Variants in MRAS observed in about 807,000 individuals in gnomAD.
The protein encoded by MRAS is ras-related protein M-Ras.
Under a neutral mutation model 20.9 loss-of-function variants are expected in MRAS, and 4 were observed. The observed-to-expected ratio is 0.19, with a 90% confidence interval of 0.09 to 0.44. MRAS has a LOEUF of 0.44. MRAS is among the 20% of genes least tolerant of loss of function. The pLI is 0.99. For missense variants in MRAS, 154 were observed against 277.5 expected (o/e 0.56, Z 3.16); for synonymous variants, 98 against 102.9 (o/e 0.95, Z 0.29).
chr3:138,373,112 T>C (rs758732335), intron 2 of MRAS, 36 bp downstream of exon 2: 1 of 1,399,270 alleles, frequency 7.1e-7, no homozygotes, highest in Admixed American at 3.0e-5. Flanking sequence ...TTGGGTGGGA[T>C]AGTAGATGGG....
At chr3:138,398,297 C>T (rs1459205493) in intron 3 of MRAS, among the ~76,000 whole-genome samples, 172 bp from the exon 4 acceptor site, 1 of 152,184 alleles carries the variant, frequency 6.6e-6, no homozygotes, top group African/African-American at 2.4e-5. Context: ...CGGGCCCTTT[C>T]CCCCAAGCCC....
At chr3:138,353,389 C>T (rs1317406095) in intron 1 of MRAS, among the ~76,000 whole-genome samples, 1 of 152,120 alleles carries the variant, frequency 6.6e-6, no homozygotes, top group Non-Finnish European at 1.5e-5. Context: ...CAAGGGGAGT[C>T]CTTCCTTCCC....
intron 5 of MRAS, 120 bp downstream of exon 5, chr3:138,400,733 C>T (rs2055342674): frequency 1.2e-6 from 1 of 835,380 alleles, no homozygotes; most frequent in African/African-American, 1.7e-5. Flanking sequence ...AATTCTGGGC[C>T]TATTTTTGGA....
chr3:138,387,649 C>A (rs142219828), intron 2 of MRAS, among the ~76,000 whole-genome samples: 2 of 152,184 alleles, frequency 1.3e-5, no homozygotes, highest in Non-Finnish European at 1.5e-5. Context: ...TGTTTCTCTG[C>A]GCTGCCAGGC....
intron 2 of MRAS, among the ~76,000 whole-genome samples, chr3:138,376,198 TC>T (rs2054780137): frequency 1.3e-5 from 2 of 152,192 alleles, no homozygotes; most frequent in Non-Finnish European, 2.9e-5. Context: ...TTTTGTCTTC[TC>T]TCTGCCTAGA....
At position 138,403,231 on chromosome 3, in the gene MRAS, C is replaced by T. The variant is rs1319607068; in HGVS notation, c.*962C>T. The T allele has an allele frequency of 6.6e-6, 1 of 152,214 alleles. No individual in the cohort carries two copies. Among genetic ancestry groups the T allele is most frequent in the African/African-American group, 2.4e-5 (1 of 41,436 alleles). The allele number at this position is 152,214 out of a possible 1,614,324, so 9.4% of individuals were successfully genotyped here. A position where few individuals can be genotyped will look rare whatever the true frequency, so the allele number is the denominator to read the frequency against. ...GAGGCTCTGGGTTTCTCAGATCTGT[C>T]TCTTGCTGCGTTTTCACATCAGCTG... On this transcript the variant is annotated 3_prime_UTR_variant, in exon 6 of 6. Transcript: ENST00000423968.
rs572603289 is a variant in MRAS, at chr3:138,375,953, A to T, written c.193+2877A>T. On this transcript the variant is annotated intron_variant, in intron 2 of 5. Coordinates refer to ENST00000423968, the MANE Select transcript of MRAS (RefSeq NM_001085049.3). ...CAGTGAGCCGAGACTGCGCCACCTC[A>T]CTCCAGCCTGGGCAACAGAGTGAGA... is the stretch of plus-strand genomic sequence containing the variant. 5.9e-5 allele frequency among the ~76,000 whole-genome samples: 9 copies of T among 152,232 alleles called. No individual in the cohort carries two copies. The East Asian group carries it at 1.7e-3, about 29-fold the overall frequency.
chr3:138,372,803 A>T, intron 1 of MRAS, 63 bp from the exon 2 acceptor site: 1 of 1,174,616 alleles, frequency 8.5e-7, no homozygotes, highest in South Asian at 1.7e-5. Flanking sequence ...AGGAAAACAT[A>T]TGAATATTTT....
chr3:138,391,866 G>A (rs1184189711), intron 2 of MRAS, among the ~76,000 whole-genome samples: 3 of 152,128 alleles, frequency 2.0e-5, no homozygotes, highest in South Asian at 2.1e-4. Flanking sequence ...ATGGCCAGGC[G>A]CGGTGGCTTA....
chr3:138,349,472 G>C (rs1202057669), intron 1 of MRAS: 2 of 152,420 alleles, frequency 1.3e-5, no homozygotes, highest in Non-Finnish European at 2.9e-5. Flanking sequence ...GCCTAGAGGA[G>C]TTAATGTCTG....
intron 4 of MRAS, among the ~76,000 whole-genome samples, 173 bp downstream of exon 4, chr3:138,398,741 A>G (rs1399201389): frequency 1.3e-5 from 2 of 152,206 alleles, no homozygotes; most frequent in African/African-American, 4.8e-5. Flanking sequence ...GGTAATGCAC[A>G]TCAGTGTTTC....
At chr3:138,400,669 A>G (rs1056375413) in intron 5 of MRAS, 56 bp downstream of exon 5, 9 of 1,463,472 alleles carry the variant, frequency 6.1e-6, no homozygotes, top group Non-Finnish European at 8.6e-6. Flanking sequence ...TGGCTCCTGG[A>G]GGCAGCTGGG....
intron 2 of MRAS, among the ~76,000 whole-genome samples, chr3:138,389,345 ATGGTGAGGAGC>A (rs1452672510): frequency 6.6e-6 from 1 of 151,654 alleles, no homozygotes; most frequent in Non-Finnish European, 1.5e-5. Flanking sequence ...ACTCTACCCC[ATGGTGAGGAGC>A]TGAGCCAGGC....
At chr3:138,402,069 C>A in intron 5 of MRAS, 101 bp from the exon 6 acceptor site, 1 of 1,135,034 alleles carries the variant, frequency 8.8e-7, no homozygotes. Context: ...CCCGCCAGAA[C>A]AGGCCTCCTC....
intron 1 of MRAS, among the ~76,000 whole-genome samples, chr3:138,366,138 A>G (rs2054555583): frequency 6.6e-6 from 1 of 152,312 alleles, no homozygotes; most frequent in African/African-American, 2.4e-5. Flanking sequence ...CACAGCTTGC[A>G]GGTCAGCGCT....
At chr3:138,361,338 C>T (rs2054443004) in intron 1 of MRAS, among the ~76,000 whole-genome samples, 2 of 152,124 alleles carry the variant, frequency 1.3e-5, no homozygotes, top group African/African-American at 2.4e-5. Flanking sequence ...GATGGCATTC[C>T]AGGAGACTCT....
chr3:138,401,884 A>G (rs1216759569), intron 5 of MRAS, among the ~76,000 whole-genome samples: 1 of 152,206 alleles, frequency 6.6e-6, no homozygotes, highest in African/African-American at 2.4e-5. Context: ...GATTTATGTA[A>G]ATGTAGCTAC....
At chr3:138,396,074 C>T (rs1361692702) in intron 2 of MRAS, among the ~76,000 whole-genome samples, 2 of 152,140 alleles carry the variant, frequency 1.3e-5, no homozygotes, top group African/African-American at 2.4e-5. Flanking sequence ...AAGTCAGAGT[C>T]CGCTCACCAA....
intron 2 of MRAS, among the ~76,000 whole-genome samples, chr3:138,378,753 T>C (rs2054837859): frequency 6.6e-6 from 1 of 152,166 alleles, no homozygotes. Flanking sequence ...AAAGTTACCA[T>C]CTTAACCATC....
Sources: gnomAD v4.1 joint callset for allele counts (sites outside exome capture counted in the v4.1 genomes callset) on GRCh38, gnomAD v4.1.1 for gene constraint, MANE v1.5 for transcripts, NCBI Gene and HGNC (gene_info 2026-07-23, HGNC 2026-07-21) for gene names.